Variants in RAB36 observed in about 807,000 individuals in gnomAD.
RAB36 encodes the protein RAB36, member RAS oncogene family.
RAB36 carries 33 observed loss-of-function variants against 39.3 expected under a neutral mutation model. That is an observed-to-expected ratio of 0.84 (90% CI 0.64 to 1.12). The LOEUF (loss-of-function observed/expected upper bound fraction) is 1.12. RAB36 is among the 50% of genes most tolerant of loss of function. The pLI is 0.00. For synonymous variants in RAB36, 133 were observed against 140.2 expected, an observed-to-expected ratio of 0.95 and a Z score of 0.36; for missense variants, 308 against 355.3, an observed-to-expected ratio of 0.87 and a Z score of 1.07.
chr22:23,149,530 C>T (rs1458121247), intron 2 of RAB36, among the ~76,000 whole-genome samples: 1 of 152,144 alleles, frequency 6.6e-6, no homozygotes, highest in Non-Finnish European at 1.5e-5. Flanking sequence ...AAAATGTCAT[C>T]AGAGATTCAT....
intron 3 of RAB36, 125 bp downstream of exon 3, chr22:23,150,279 A>C: frequency 1.5e-6 from 1 of 659,548 alleles, no homozygotes. Flanking sequence ...AGGCCTGAAG[A>C]TGACTGGGGT....
Position 23,161,798 on chromosome 22 carries a change from C to A in RAB36, c.*234C>A, listed in dbSNP as rs545629094. The stretch of plus-strand genomic sequence containing the variant: ...TGGCTGCCTGGGAGCCCCACACCAC[C>A]GGGCCAGTGCAGGCACTGTGGTGAT... On this transcript the variant is annotated 3_prime_UTR_variant, in exon 11 of 11. Coordinates refer to ENST00000263116, the MANE Select transcript of RAB36 (RefSeq NM_004914.5). 2.2e-5 allele frequency: 12 copies of A among 539,198 alleles called. No homozygotes were observed. The highest frequency in any genetic ancestry group is 3.0e-5 in the Non-Finnish European group (9 of 298,992). 33.4% of individuals were successfully genotyped at this position (539,198 alleles called of 1,614,324 possible).
chr22:23,166,155 A>C (rs1227776094), downstream of RAB36, among the ~76,000 whole-genome samples: 1 of 143,248 alleles, frequency 7.0e-6, no homozygotes, highest in Admixed American at 6.8e-5. Context: ...TTTAAAAAAA[A>C]AAAAAAAAAA....
At chr22:23,167,714 T>C (rs549101136), downstream of RAB36, among the ~76,000 whole-genome samples, 1 of 149,346 alleles carries the variant, frequency 6.7e-6, no homozygotes, top group Admixed American at 6.6e-5. Context: ...TTAATTTATT[T>C]TTTTTTTTAA....
In RAB36 at chr22:23,165,223, T is replaced by C. The variant is rs562774911; in HGVS notation, c.*3659T>C. Among the ~76,000 whole-genome samples the C allele has an allele frequency of 6.6e-6, 1 of 152,300 alleles. No homozygotes were observed. Among genetic ancestry groups the C allele is most frequent in the African/African-American group, 2.4e-5 (1 of 41,566 alleles). On this transcript the variant is annotated 3_prime_UTR_variant, in exon 11 of 11. Transcript: ENST00000263116. ...TAAAGAAGGCAGGGAAGCAAGAAGG[T>C]TGCTCAAACAAGACCATGTTCCCAG...
rs1464885199 is a variant in RAB36 at position 23,165,406 on chromosome 22, C to T, written c.*3842C>T. On this transcript the variant is annotated 3_prime_UTR_variant, in exon 11 of 11. Transcript: ENST00000263116. ...GTCTGACCCAGAGACCCTCACAGGG[C>T]ATCAGCCAGTGAAGGCGGTTTGGGG... Among the ~76,000 whole-genome samples the T allele has an allele frequency of 2.6e-5, 4 of 152,196 alleles. No individual in the cohort carries two copies. Among genetic ancestry groups the T allele is most frequent in the Non-Finnish European group, 5.9e-5 (4 of 68,040 alleles).
chr22:23,161,055 C>T, intron 10 of RAB36, 57 bp downstream of exon 10: 1 of 1,543,330 alleles, frequency 6.5e-7, no homozygotes, highest in Non-Finnish European at 8.8e-7. Flanking sequence ...CTAAAATCCA[C>T]ATGCGCCATC....
chr22:23,156,304 A>G, intron 6 of RAB36: 1 of 369,868 alleles, frequency 2.7e-6, no homozygotes, highest in South Asian at 2.6e-5. Context: ...AGATGCTCAG[A>G]GATGAAAGTG....
Position 23,145,495 on chromosome 22 carries a change from G to T in RAB36, c.-69G>T. ...GGCTCTCGTTGCCATGGTGATCGCC[G>T]CCGCTGGCTCAGGCGGACCAGGCCG... On this transcript the variant is annotated 5_prime_UTR_variant, in exon 1 of 11. Coordinates refer to ENST00000263116, the MANE Select transcript of RAB36 (RefSeq NM_004914.5). 6.2e-7 allele frequency: 1 copy of T among 1,607,634 alleles called. No homozygotes were observed.
chr22:23,162,935 G>C lies in RAB36; in HGVS notation c.*1371G>C. ...ATGACTTTTTTTTTTTTTTGAGATGGAGTTTCACCCTTGTTGCCCAGGCTG... is the reference window on the plus strand; with the variant it reads ...ATGACTTTTTTTTTTTTTTGAGATGCAGTTTCACCCTTGTTGCCCAGGCTG... On this transcript the variant is annotated 3_prime_UTR_variant, in exon 11 of 11. Coordinates refer to ENST00000263116, the MANE Select transcript of RAB36 (RefSeq NM_004914.5). 1 of 342,104 alleles carries C rather than the reference G, an allele frequency of 2.9e-6. No individual in the cohort carries two copies. The highest frequency in any genetic ancestry group is 2.3e-5 in the South Asian group (1 of 43,862). The allele number at this position is 342,104 out of a possible 1,614,324, so 21.2% of individuals were successfully genotyped here.
chr22:23,163,785 T>C lies in RAB36; in HGVS notation c.*2221T>C, dbSNP rs1238213884. 2.0e-5 allele frequency: 3 copies of C among 152,198 alleles called. No homozygotes were observed. The highest frequency in any genetic ancestry group is 4.4e-5 in the Non-Finnish European group (3 of 68,048). 9.4% of individuals were successfully genotyped at this position (152,198 alleles called of 1,614,324 possible). A position where few individuals can be genotyped will look rare whatever the true frequency, so the allele number is the denominator to read the frequency against. On this transcript the variant is annotated 3_prime_UTR_variant, in exon 11 of 11. Coordinates refer to ENST00000263116, the MANE Select transcript of RAB36 (RefSeq NM_004914.5). ...ACAGCTAGTGTTGATGGCTTGTTTG[T>C]TGTTTTCACCAGAGTGAGCTCCTTC...
intron 9 of RAB36, among the ~76,000 whole-genome samples, chr22:23,160,600 G>A (rs577135160): frequency 6.6e-6 from 1 of 152,334 alleles, no homozygotes; most frequent in East Asian, 1.9e-4. Context: ...GGGAAGCAAA[G>A]GCTCAGAAGT....
rs961113661 is a variant in RAB36, at chr22:23,160,890, A to G, written c.631A>G (p.Lys211Glu). Residue 211 changes from lysine to glutamate, a missense_variant, in exon 10 of 11, where the codon AAG becomes GAG. Transcript: ENST00000263116. ...TTGTGGGCCCACAGGCGAGAACGTG[A>G]AGGCATTCTTCAGCCGCGTAGCCGC... ...SVSAKTGENV[K>E]AFFSRVAALA... 3.1e-6 allele frequency: 5 copies of G among 1,613,646 alleles called. No individual in the cohort carries two copies. Among genetic ancestry groups the G allele is most frequent in the Non-Finnish European group, 4.2e-6 (5 of 1,179,778 alleles).
chr22:23,158,340 C>T (rs183336070), intron 7 of RAB36, among the ~76,000 whole-genome samples: 35 of 152,336 alleles, frequency 2.3e-4, no homozygotes, highest in Non-Finnish European at 4.6e-4. Flanking sequence ...GTTGCAAGTC[C>T]GGATACTTTT....
chr22:23,161,588 C>A lies in RAB36; in HGVS notation c.*24C>A. 1 of 1,564,164 alleles carries A rather than the reference C, an allele frequency of 6.4e-7. No individual in the cohort carries two copies. On this transcript the variant is annotated 3_prime_UTR_variant, in exon 11 of 11. Transcript: ENST00000263116. Reference sequence around the variant, plus strand: ...AACTGGGGCCTGCGTGGAAGGCCTCCGCTCCCTGCACACACACGGACAGGA... The same window carrying A: ...AACTGGGGCCTGCGTGGAAGGCCTCAGCTCCCTGCACACACACGGACAGGA...
intron 3 of RAB36, 49 bp downstream of exon 3, chr22:23,150,203 A>G (rs2146507375): frequency 7.1e-7 from 1 of 1,402,852 alleles, no homozygotes; most frequent in South Asian, 1.2e-5. Flanking sequence ...AGAAGGAATG[A>G]GTGCATGAAG....
At chr22:23,161,121 A>T (rs1601950070) in intron 10 of RAB36, 123 bp downstream of exon 10, 6 of 1,256,756 alleles carry the variant, frequency 4.8e-6, no homozygotes, top group Non-Finnish European at 6.5e-6. Context: ...CTGTCCTTTG[A>T]CCCTCCTCTC....
At position 23,153,139 on chromosome 22, in the gene RAB36, G is replaced by C. The variant is rs1037752478; in HGVS notation, c.329+5G>C. The stretch of plus-strand genomic sequence containing the variant: ...GATTCCCTATAGCCTCCAGATGTAA[G>C]TTGCTGGTTCCCCCATGGCTCGTGG... On this transcript the variant is annotated splice_donor_5th_base_variant and intron_variant, in intron 5 of 10. Transcript: ENST00000263116. 7 of 1,611,836 alleles carry C rather than the reference G, an allele frequency of 4.3e-6. No homozygotes were observed. Among genetic ancestry groups the C allele is most frequent in the Admixed American group, 1.7e-5 (1 of 59,988 alleles).
chr22:23,153,528 T>A, intron 5 of RAB36: 1 of 979,690 alleles, frequency 1.0e-6, no homozygotes, highest in Non-Finnish European at 1.2e-6. Context: ...TTCCCACCTG[T>A]AAAATGGGGT....
Sources: allele counts gnomAD v4.1 joint callset (sites outside exome capture counted in the v4.1 genomes callset), GRCh38; gene constraint gnomAD v4.1.1; transcripts MANE v1.5; gene names NCBI Gene and HGNC (gene_info 2026-07-23, HGNC 2026-07-21).